Variants in TTLL5 observed in about 807,000 individuals in gnomAD.
The protein encoded by TTLL5 is tubulin tyrosine ligase like 5.
Under a neutral mutation model 168.4 loss-of-function variants are expected in TTLL5, and 132 were observed. The ratio of observed to expected loss-of-function variants is 0.78; its 90% CI spans 0.68 to 0.91. TTLL5 has a LOEUF of 0.91. TTLL5 is among the 40% of genes least tolerant of loss of function. TTLL5 has a pLI of 0.00. For missense variants in TTLL5, 1,545 were observed against 1,581.5 expected, an observed-to-expected ratio of 0.98 and a Z score of 0.39; for synonymous variants, 546 against 558.6, an observed-to-expected ratio of 0.98 and a Z score of 0.32.
At chr14:75,709,510 C>T in intron 9 of TTLL5, 1 of 286,830 alleles carries the variant, frequency 3.5e-6, no homozygotes, top group Non-Finnish European at 6.7e-6. Flanking sequence ...CTGGCCTCTT[C>T]CTTGAAAATT....
chr14:75,833,848 C>G (rs755154959), intron 28 of TTLL5, among the ~76,000 whole-genome samples: 1 of 152,192 alleles, frequency 6.6e-6, no homozygotes, highest in African/African-American at 2.4e-5. Context: ...GCTTCTAGTT[C>G]TCTGCCTGAT....
chr14:75,708,256 C>T (rs1886792649), intron 9 of TTLL5, among the ~76,000 whole-genome samples: 4 of 151,520 alleles, frequency 2.6e-5, no homozygotes, highest in Non-Finnish European at 2.9e-5. Context: ...AATTTCATGC[C>T]CTCTCATATT....
At chr14:75,667,203 T>TCCA (rs1197127034) in intron 2 of TTLL5, among the ~76,000 whole-genome samples, 6 of 152,232 alleles carry the variant, frequency 3.9e-5, no homozygotes, top group Non-Finnish European at 8.8e-5. Context: ...CTCAGCTGTG[T>TCCA]ATCTGTTGAT....
intron 22 of TTLL5, 100 bp from the exon 23 acceptor site, chr14:75,776,647 C>T (rs914876676): frequency 2.6e-6 from 2 of 766,732 alleles, no homozygotes; most frequent in Admixed American, 5.6e-5. Flanking sequence ...ACTATAAGGA[C>T]AGATTAACTC....
chr14:75,735,196 A>G lies in TTLL5; in HGVS notation c.1188A>G (p.Gly396=), dbSNP rs1440124887. 2 of 1,614,050 alleles carry G rather than the reference A, an allele frequency of 1.2e-6. No individual in the cohort carries two copies. Among genetic ancestry groups the G allele is most frequent in the Admixed American group, 1.7e-5 (1 of 59,998 alleles). ...TAATGTTGCCCATTCCCCATTCAGG[A>G]TTTGTGTGCCAAGATCCTGCCCAGC... The part of the protein sequence containing the change: ...SMISDMFTVV[G]FVCQDPAQRA... The change falls in exon 15 of 32, where the codon GGA becomes GGG. Residue 396 remains glycine, a splice_region_variant and synonymous_variant. Transcript: ENST00000298832.
At chr14:75,919,647 C>G (rs1305657262) in intron 31 of TTLL5, among the ~76,000 whole-genome samples, 1 of 152,134 alleles carries the variant, frequency 6.6e-6, no homozygotes, top group African/African-American at 2.4e-5. Context: ...AAAATACCTA[C>G]ATGAAAGGGC....
chr14:75,817,394 A>G (rs1414497411), intron 27 of TTLL5, among the ~76,000 whole-genome samples: 2 of 152,144 alleles, frequency 1.3e-5, no homozygotes, highest in Non-Finnish European at 2.9e-5. Flanking sequence ...ACTGGTCCAC[A>G]CTAGAGGGTG....
Position 75,766,379 on chromosome 14 carries a change from TTTATAA to T in TTLL5, c.2015+17_2015+22del, listed in dbSNP as rs2140299424. 17 of 1,592,280 alleles carry T rather than the reference TTTATAA, an allele frequency of 1.1e-5. No homozygotes were observed. The highest frequency in any genetic ancestry group is 1.4e-5 in the African/African-American group (1 of 74,024). ...TAATGGCAATCTTAGGTATGTATCT[TTTATAA>T]TTATATTAGTAAAACTGATAACAGC... is the stretch of plus-strand genomic sequence containing the variant. On this transcript the variant is annotated intron_variant, in intron 20 of 31. Transcript: ENST00000298832.
At chr14:75,829,494 T>G (rs1038296533) in intron 28 of TTLL5, among the ~76,000 whole-genome samples, 2 of 151,692 alleles carry the variant, frequency 1.3e-5, no homozygotes, top group African/African-American at 4.8e-5. Context: ...TAAGCAGAAG[T>G]GAATCATCAT....
Position 75,771,733 on chromosome 14 carries a change from G to A in TTLL5, c.2016-1G>A. The A allele has an allele frequency of 1.9e-6, 3 of 1,613,270 alleles. No homozygotes were observed. The highest frequency in any genetic ancestry group is 1.7e-6 in the Non-Finnish European group (2 of 1,179,724). On this transcript the variant is annotated splice_acceptor_variant, in intron 20 of 31. Coordinates refer to ENST00000298832, the MANE Select transcript of TTLL5 (RefSeq NM_015072.5). LOFTEE classifies it high-confidence loss of function. ...CGGTATGTTGTTTTGGATTTCTATA[G>A]CAAAATGCAGGCCCGAATAGCATTC...
At chr14:75,735,768 A>G (rs1888855590) in intron 15 of TTLL5, among the ~76,000 whole-genome samples, 1 of 152,202 alleles carries the variant, frequency 6.6e-6, no homozygotes, top group Non-Finnish European at 1.5e-5. Context: ...TAAAAGCCCA[A>G]AGAAACTTAT....
intron 2 of TTLL5, among the ~76,000 whole-genome samples, chr14:75,664,826 C>T (rs946049449): frequency 2.0e-5 from 3 of 152,118 alleles, no homozygotes; most frequent in Non-Finnish European, 4.4e-5. Context: ...TCAGTCTTTC[C>T]CTTTTTAAAG....
At chr14:75,949,924 G>C (rs771960737) in intron 31 of TTLL5, among the ~76,000 whole-genome samples, 1 of 151,708 alleles carries the variant, frequency 6.6e-6, no homozygotes, top group African/African-American at 2.4e-5. Context: ...TTGTATATTT[G>C]AGAGGGTATT....
At chr14:75,750,967 T>C (rs529438750) in intron 17 of TTLL5, among the ~76,000 whole-genome samples, 24 of 152,292 alleles carry the variant, frequency 1.6e-4, no homozygotes, top group African/African-American at 5.8e-4. Flanking sequence ...GCCATAGGCA[T>C]TGTGACGTGG....
chr14:75,792,791 C>T, intron 26 of TTLL5, 125 bp from the exon 27 acceptor site: 1 of 752,854 alleles, frequency 1.3e-6, no homozygotes, highest in East Asian at 3.0e-5. Context: ...GTTTATTTCT[C>T]CTATATTATT....
At chr14:75,897,936 A>C (rs1426863187) in intron 30 of TTLL5, among the ~76,000 whole-genome samples, 1 of 152,214 alleles carries the variant, frequency 6.6e-6, no homozygotes, top group East Asian at 1.9e-4. Flanking sequence ...AAGAACAATT[A>C]AGGACTAGAT....
chr14:75,945,494 A>C (rs776153457), intron 31 of TTLL5, among the ~76,000 whole-genome samples: 1 of 151,900 alleles, frequency 6.6e-6, no homozygotes. Flanking sequence ...TGACCTCATG[A>C]TCTGCCCGCC....
intron 31 of TTLL5, among the ~76,000 whole-genome samples, chr14:75,937,529 T>C (rs2034471400): frequency 6.6e-6 from 1 of 152,128 alleles, no homozygotes; most frequent in African/African-American, 2.4e-5. Flanking sequence ...CTCATTCCCT[T>C]TTGCCCCCAG....
At chr14:75,741,595 T>C (rs1038794639) in intron 15 of TTLL5, among the ~76,000 whole-genome samples, 5 of 152,204 alleles carry the variant, frequency 3.3e-5, no homozygotes, top group Admixed American at 2.0e-4. Flanking sequence ...TCATAAGCAT[T>C]TATTTTCTTT....
Sources: allele counts gnomAD v4.1 joint callset (sites outside exome capture counted in the v4.1 genomes callset), GRCh38; gene constraint gnomAD v4.1.1; transcripts MANE v1.5; gene names NCBI Gene and HGNC (gene_info 2026-07-23, HGNC 2026-07-21).